The following SIPA1L2 variants were observed in gnomAD, a reference collection of about 807,000 sequenced individuals.
SIPA1L2 encodes the protein signal-induced proliferation-associated 1-like protein 2.
SIPA1L2 carries 56 observed loss-of-function variants against 163.9 expected under a neutral mutation model. The ratio of observed to expected loss-of-function variants is 0.34; its 90% CI spans 0.28 to 0.43. The LOEUF is 0.43. Ranked by LOEUF, SIPA1L2 falls within the 20% of genes least tolerant of loss-of-function variation. SIPA1L2 has a pLI of 1.00. For missense variants in SIPA1L2, 1,974 were observed against 2,193.5 expected (o/e 0.90, Z 2.00); for synonymous variants, 877 against 865.7 (o/e 1.01, Z -0.23).
intron 2 of SIPA1L2, among the ~76,000 whole-genome samples, chr1:232,541,079 A>G (rs145384529): frequency 6.6e-6 from 1 of 152,246 alleles, no homozygotes; most frequent in African/African-American, 2.4e-5. Flanking sequence ...GGAACAACAC[A>G]CACTGGGGCC....
intron 10 of SIPA1L2, among the ~76,000 whole-genome samples, chr1:232,448,090 A>C (rs935970629): frequency 6.6e-6 from 1 of 152,190 alleles, no homozygotes; most frequent in African/African-American, 2.4e-5. Context: ...AAAAGGTCAC[A>C]GGCTAGACAG....
chr1:232,473,274 A>C (rs968639611), intron 7 of SIPA1L2, among the ~76,000 whole-genome samples: 3 of 152,370 alleles, frequency 2.0e-5, no homozygotes, highest in Admixed American at 6.5e-5. Context: ...CATTGTGTTC[A>C]ATGTATCTGT....
chr1:232,515,170 T>C lies in SIPA1L2; in HGVS notation c.170A>G (p.Asn57Ser), dbSNP rs200538956. 207 of 1,614,050 alleles carry C rather than the reference T, an allele frequency of 1.3e-4. No individual in the cohort carries two copies. Among genetic ancestry groups the C allele is most frequent in the Non-Finnish European group, 1.6e-4 (184 of 1,180,036 alleles). The change falls in exon 3 of 23, where the codon AAT (asparagine) becomes AGT (serine). Residue 57 changes from asparagine to serine, a missense_variant. Transcript: ENST00000674635. Reference sequence around the variant, plus strand: ...AGCCGGACCACCACCGCCAGTCTCATTGGAATTCGAGGCATTTAAAGAAGT... The same window carrying C: ...AGCCGGACCACCACCGCCAGTCTCACTGGAATTCGAGGCATTTAAAGAAGT... The part of the protein sequence containing the change: ...PTTSLNASNS[N>S]ETGGGGPANG...
At chr1:232,621,627 T>A (rs1228513772) in intron 1 of SIPA1L2, among the ~76,000 whole-genome samples, 1 of 152,190 alleles carries the variant, frequency 6.6e-6, no homozygotes, top group Non-Finnish European at 1.5e-5. Flanking sequence ...AAATGAAAGT[T>A]CAAGCACGGT....
chr1:232,468,747 CTT>C (rs991716455), intron 8 of SIPA1L2, among the ~76,000 whole-genome samples: 6 of 152,200 alleles, frequency 3.9e-5, no homozygotes, highest in African/African-American at 1.4e-4. Flanking sequence ...TTAATTCACT[CTT>C]AGCTACCAAG....
intron 2 of SIPA1L2, among the ~76,000 whole-genome samples, chr1:232,546,862 G>A (rs752402605): frequency 2.0e-5 from 3 of 152,160 alleles, no homozygotes; most frequent in Admixed American, 6.5e-5. Context: ...TGATCAGGAC[G>A]GTTTCTCAGA....
intron 2 of SIPA1L2, among the ~76,000 whole-genome samples, chr1:232,522,748 T>C (rs1478019343): frequency 6.6e-6 from 1 of 152,198 alleles, no homozygotes; most frequent in Non-Finnish European, 1.5e-5. Context: ...ATTCTAAAGA[T>C]TCAATGGGAT....
At chr1:232,476,687 C>A (rs1322218903) in intron 7 of SIPA1L2, among the ~76,000 whole-genome samples, 5 of 152,168 alleles carry the variant, frequency 3.3e-5, no homozygotes, top group Non-Finnish European at 7.3e-5. Context: ...TTCTTTTGGT[C>A]TGGTGAGTTT....
At chr1:232,605,481 G>A (rs769152701) in intron 1 of SIPA1L2, among the ~76,000 whole-genome samples, 3 of 152,172 alleles carry the variant, frequency 2.0e-5, no homozygotes, top group Admixed American at 6.5e-5. Flanking sequence ...GATCACCTGC[G>A]GTCAGGAATT....
intron 1 of SIPA1L2, among the ~76,000 whole-genome samples, chr1:232,612,432 G>A (rs1337493833): frequency 6.6e-6 from 1 of 152,220 alleles, no homozygotes; most frequent in Non-Finnish European, 1.5e-5. Context: ...AAGCAGCTGG[G>A]AGGGAGGCTG....
At chr1:232,497,016 T>C (rs1666228628) in intron 3 of SIPA1L2, among the ~76,000 whole-genome samples, 1 of 152,224 alleles carries the variant, frequency 6.6e-6, no homozygotes, top group African/African-American at 2.4e-5. Flanking sequence ...AACTACCTTT[T>C]ATGGTAAGAT....
In SIPA1L2 at chr1:232,528,102, A is replaced by ATATATATATATATC. The variant is rs34779799; in HGVS notation, c.-269-12495_-269-12494insGATATATATATATA. 1.5e-3 allele frequency among the ~76,000 whole-genome samples: 174 copies of ATATATATATATATC among 118,516 alleles called. 19 individuals carry two copies. Among genetic ancestry groups the ATATATATATATATC allele is most frequent in the African/African-American group, 3.6e-3 (104 of 28,970 alleles). The allele number at this position is 118,516 out of a possible 152,430, so 77.8% of individuals were successfully genotyped here. On this transcript the variant is annotated intron_variant, in intron 2 of 22. Coordinates refer to ENST00000674635, the MANE Select transcript of SIPA1L2 (RefSeq NM_020808.5). ...TTTATATATATATATATATATATATAATCAACTTTCTAAAAACCACAGGTA... is the reference window on the plus strand; with the variant it reads ...TTTATATATATATATATATATATATATATATATATATATCATCAACTTTCTAAAAACCACAGGTA...
intron 2 of SIPA1L2, among the ~76,000 whole-genome samples, chr1:232,573,061 T>C (rs982538012): frequency 6.6e-6 from 1 of 151,918 alleles, no homozygotes; most frequent in Non-Finnish European, 1.5e-5. Flanking sequence ...GATTACAGGT[T>C]TGAGTCACTG....
chr1:232,564,134 GTTT>G (rs368352108), intron 2 of SIPA1L2, among the ~76,000 whole-genome samples: 23 of 52,994 alleles, frequency 4.3e-4, no homozygotes, highest in African/African-American at 2.5e-3. Flanking sequence ...GACGAAGGTT[GTTT>G]TTTTTTTTTT....
chr1:232,494,516 T>G (rs1370351936), intron 3 of SIPA1L2, among the ~76,000 whole-genome samples: 1 of 152,226 alleles, frequency 6.6e-6, no homozygotes, highest in Middle Eastern at 3.2e-3. Context: ...TAGCCGCTAC[T>G]TATGAAGCAA....
chr1:232,450,785 A>G (rs1027183745), intron 10 of SIPA1L2, among the ~76,000 whole-genome samples: 4 of 152,222 alleles, frequency 2.6e-5, no homozygotes, highest in African/African-American at 9.6e-5. Flanking sequence ...TGTAGTCTTT[A>G]TAAGACACTA....
chr1:232,624,585 G>A (rs1662981499), intron 1 of SIPA1L2, among the ~76,000 whole-genome samples: 1 of 152,102 alleles, frequency 6.6e-6, no homozygotes, highest in Non-Finnish European at 1.5e-5. Flanking sequence ...TTTTAACACT[G>A]GCTCTTTACC....
intron 1 of SIPA1L2, among the ~76,000 whole-genome samples, chr1:232,622,153 T>C (rs377704055): frequency 3.9e-5 from 6 of 152,370 alleles, no homozygotes; most frequent in Non-Finnish European, 7.3e-5. Flanking sequence ...ACAGCACTTA[T>C]CACAGCATAC....
intron 2 of SIPA1L2, among the ~76,000 whole-genome samples, chr1:232,539,218 C>T (rs999828460): frequency 3.3e-5 from 5 of 152,174 alleles, no homozygotes; most frequent in Admixed American, 6.5e-5. Flanking sequence ...AGTTGAAACC[C>T]TTGGGGTAGG....
Sources: allele counts gnomAD v4.1 joint callset (sites outside exome capture counted in the v4.1 genomes callset), GRCh38; gene constraint gnomAD v4.1.1; transcripts MANE v1.5; gene names NCBI Gene and HGNC (gene_info 2026-07-23, HGNC 2026-07-21).